LRP5: variants seen among roughly 807,000 people sequenced by gnomAD.
LRP5 encodes LDL receptor related protein 5.
A neutral mutation model predicts 154.1 loss-of-function variants in LRP5; 62 were observed. That is an observed-to-expected ratio of 0.40 (90% confidence interval 0.33 to 0.50). The LOEUF (loss-of-function observed/expected upper bound fraction) is 0.50, where lower values mean the gene tolerates loss of function less well. Ranked by LOEUF, LRP5 falls within the 20% of genes least tolerant of loss-of-function variation. LRP5 has a pLI of 0.55. For missense variants in LRP5, 1,915 were observed against 2,336.7 expected (o/e 0.82, Z 3.72); for synonymous variants, 966 against 1,011.5 (o/e 0.96, Z 0.85).
chr11:68,336,148 C>T (rs2098605559), intron 1 of LRP5, among the ~76,000 whole-genome samples: 1 of 152,108 alleles, frequency 6.6e-6, no homozygotes, highest in Admixed American at 6.6e-5. Flanking sequence ...CAGAGCTTGT[C>T]CACGAAGAAG....
chr11:68,343,610 C>T (rs1355843612), intron 1 of LRP5, among the ~76,000 whole-genome samples: 3 of 152,120 alleles, frequency 2.0e-5, no homozygotes, highest in Admixed American at 6.6e-5. Context: ...GGGAACACAC[C>T]GTGTGGGGGC....
Position 68,386,368 on chromosome 11 carries a change from G to A in LRP5, c.1068G>A (p.Ser356=), listed in dbSNP as rs1381580106. 9.3e-6 allele frequency: 15 copies of A among 1,613,580 alleles called. No individual in the cohort carries two copies. Among genetic ancestry groups the A allele is most frequent in the East Asian group, 4.5e-5 (2 of 44,870 alleles). ...LARRTDLRRI[S]LDTPDFTDIV... ...GGCGGACGGACCTACGGAGGATCTCGCTGGACACGCCGGACTTCACCGACA... is the reference window on the plus strand; with the variant it reads ...GGCGGACGGACCTACGGAGGATCTCACTGGACACGCCGGACTTCACCGACA... The change falls in exon 6 of 23, where the codon TCG becomes TCA. Residue 356 remains serine, a synonymous_variant. Transcript: ENST00000294304. This position sits in a 1 kb window ranked among gnomAD's most constrained non-coding sequence, Gnocchi z 7.9.
At chr11:68,418,780 G>C (rs1407520523) in intron 13 of LRP5, among the ~76,000 whole-genome samples, 1 of 152,224 alleles carries the variant, frequency 6.6e-6, no homozygotes, top group Non-Finnish European at 1.5e-5. Flanking sequence ...CTGCTGTGGT[G>C]TGGGTGGTGG....
intron 3 of LRP5, among the ~76,000 whole-genome samples, chr11:68,362,545 G>C (rs537975983): frequency 2.6e-5 from 4 of 152,170 alleles, no homozygotes; most frequent in African/African-American, 9.6e-5. Flanking sequence ...CCAAAAATTA[G>C]CTGGGTGTGG....
At chr11:68,411,123 A>G (rs2098659171) in intron 10 of LRP5, among the ~76,000 whole-genome samples, 1 of 152,048 alleles carries the variant, frequency 6.6e-6, no homozygotes, top group Non-Finnish European at 1.5e-5. Flanking sequence ...ACATCCGGCC[A>G]AGCTTAGGTG....
intron 3 of LRP5, among the ~76,000 whole-genome samples, chr11:68,362,563 C>T (rs187101376): frequency 6.6e-6 from 1 of 152,022 alleles, no homozygotes; most frequent in East Asian, 1.9e-4. Flanking sequence ...TGGTGGTGCA[C>T]GCCTGTGGTC....
intron 5 of LRP5, among the ~76,000 whole-genome samples, chr11:68,384,697 G>A (rs543447452): frequency 1.7e-4 from 26 of 152,280 alleles, no homozygotes; most frequent in South Asian, 4.1e-4. Flanking sequence ...TGCTGATACC[G>A]TTGTGTGTGG....
At chr11:68,409,074 AT>A (rs1207823933) in intron 9 of LRP5, among the ~76,000 whole-genome samples, 28 of 32,324 alleles carry the variant, frequency 8.7e-4, no homozygotes, top group African/African-American at 2.5e-3. Context: ...AAAAAAAAAA[AT>A]ATATATATAT....
intron 18 of LRP5, among the ~76,000 whole-genome samples, chr11:68,435,445 C>T (rs1000581419): frequency 1.3e-5 from 2 of 151,860 alleles, no homozygotes; most frequent in South Asian, 4.2e-4. Flanking sequence ...AAAGTCGAAG[C>T]GGGAGCAGGT....
chr11:68,445,767 C>T (rs1176615417), intron 21 of LRP5: 7 of 831,820 alleles, frequency 8.4e-6, no homozygotes, highest in Non-Finnish European at 1.2e-5. Flanking sequence ...GCTGCCTGGA[C>T]CTGGGGGGCA....
At chr11:68,350,993 T>C (rs1274856514) in intron 2 of LRP5, among the ~76,000 whole-genome samples, 1 of 152,124 alleles carries the variant, frequency 6.6e-6, no homozygotes, top group Non-Finnish European at 1.5e-5. Context: ...TATTTGTGTG[T>C]GTATGAGTGT....
intron 1 of LRP5, among the ~76,000 whole-genome samples, chr11:68,325,163 C>T (rs1489278588): frequency 2.0e-5 from 3 of 152,220 alleles, no homozygotes. Flanking sequence ...TCTGATCTCA[C>T]CACAGTCAGG....
At chr11:68,351,586 C>T (rs1490483102) in intron 2 of LRP5, among the ~76,000 whole-genome samples, 1 of 152,150 alleles carries the variant, frequency 6.6e-6, no homozygotes, top group Non-Finnish European at 1.5e-5. Flanking sequence ...CTCCTCCTGT[C>T]ATTGCGTTCC....
upstream of LRP5, among the ~76,000 whole-genome samples, chr11:68,310,959 T>G (rs2098587414): frequency 6.6e-6 from 1 of 151,800 alleles, no homozygotes; most frequent in Non-Finnish European, 1.5e-5. Flanking sequence ...CCGAAGGCTT[T>G]TGCTTCTTTC....
the LRP5 span, among the ~76,000 whole-genome samples, chr11:68,306,667 C>G: frequency 6.6e-6 from 1 of 152,212 alleles, no homozygotes; most frequent in African/African-American, 2.4e-5. Context: ...GAGAATGAAG[C>G]CTGAATGTCA....
In LRP5 at chr11:68,413,307, C is replaced by T. The variant is rs1367956177; in HGVS notation, c.2504-382C>T. 5.0e-5 allele frequency: 19 copies of T among 379,024 alleles called. No individual in the cohort carries two copies. Among genetic ancestry groups the T allele is most frequent in the East Asian group, 2.8e-4 (6 of 21,420 alleles). The allele number at this position is 379,024 out of a possible 1,614,324, so 23.5% of individuals were successfully genotyped here. ...GCAGCCTGGCCGTCACTCCTCGGTACGTGTTTTGGACTTAAACGCTCCGGA... is the reference window on the plus strand; with the variant it reads ...GCAGCCTGGCCGTCACTCCTCGGTATGTGTTTTGGACTTAAACGCTCCGGA... On this transcript the variant is annotated intron_variant, in intron 11 of 22. Transcript: ENST00000294304. This position sits in a 1 kb window ranked among gnomAD's most constrained non-coding sequence, Gnocchi z 5.1.
chr11:68,359,374 G>A (rs1455550571), intron 3 of LRP5, among the ~76,000 whole-genome samples: 1 of 152,246 alleles, frequency 6.6e-6, no homozygotes, highest in East Asian at 1.9e-4. Context: ...TGGAAGTGCA[G>A]ACCAGCGGGT....
intron 1 of LRP5, among the ~76,000 whole-genome samples, chr11:68,339,503 A>G (rs1311307035): frequency 6.6e-6 from 1 of 151,778 alleles, no homozygotes; most frequent in Non-Finnish European, 1.5e-5. Context: ...GCCCTCCACC[A>G]TGCCCAGCTA....
chr11:68,403,076 C>G (rs577589495), intron 7 of LRP5, among the ~76,000 whole-genome samples: 176 of 152,256 alleles, frequency 1.2e-3, no homozygotes, highest in African/African-American at 4.0e-3. Flanking sequence ...TGAAACCCAT[C>G]TCTACTAAAA....
Sources: gnomAD v4.1 joint callset for allele counts (sites outside exome capture counted in the v4.1 genomes callset) on GRCh38, gnomAD v4.1.1 for gene constraint, Gnocchi (gnomAD v3.1) non-coding constraint, MANE v1.5 for transcripts, NCBI Gene and HGNC (gene_info 2026-07-23, HGNC 2026-07-21) for gene names.